RELN: variants seen among roughly 807,000 people sequenced by gnomAD.
The protein encoded by RELN is reelin.
In RELN, 108 loss-of-function variants were observed where a neutral mutation model predicts 427.6. The ratio of observed to expected loss-of-function variants is 0.25; its 90% CI spans 0.22 to 0.30. The LOEUF (loss-of-function observed/expected upper bound fraction) is 0.30. Among genes scored for constraint, RELN ranks in the 10% least tolerant of loss-of-function variants. The pLI is 1.00. For synonymous variants in RELN, 1,524 were observed against 1,513.4 expected (o/e 1.01, Z -0.16); for missense variants, 3,715 against 4,302.8 (o/e 0.86, Z 3.82).
rs75379507 is a variant in RELN at position 103,877,052 on chromosome 7, C to T, written c.337+40023G>A. On this transcript the variant is annotated intron_variant, in intron 2 of 64. Transcript: ENST00000428762. ...CCTCTGGGATATTCCCCTATGCCCT[C>T]ACCCAGTGTCTTCTATCTCTTACCT... Among the ~76,000 whole-genome samples, 952 of 152,192 alleles carry T rather than the reference C, an allele frequency of 6.3e-3. 7 individuals carry two copies. Among genetic ancestry groups the T allele is most frequent in the African/African-American group, 0.021 (880 of 41,540 alleles).
intron 16 of RELN, among the ~76,000 whole-genome samples, chr7:103,647,757 C>G (rs1392430405): frequency 2.0e-5 from 3 of 151,830 alleles, no homozygotes; most frequent in African/African-American, 7.3e-5. Context: ...CAATCCTAAG[C>G]AAAAAGAACA....
intron 2 of RELN, among the ~76,000 whole-genome samples, chr7:103,860,189 A>G (rs1794039687): frequency 6.6e-6 from 1 of 152,226 alleles, no homozygotes; most frequent in African/African-American, 2.4e-5. Context: ...GACAAAACAA[A>G]AATCCAAAAT....
chr7:103,880,957 G>A (rs1223245963), intron 2 of RELN, among the ~76,000 whole-genome samples: 2 of 152,092 alleles, frequency 1.3e-5, no homozygotes, highest in African/African-American at 4.8e-5. Context: ...TGGCTTCCAA[G>A]TGCTGGAGTT....
chr7:103,508,760 G>A (rs1223753992), intron 51 of RELN, among the ~76,000 whole-genome samples: 3 of 152,118 alleles, frequency 2.0e-5, no homozygotes, highest in Non-Finnish European at 2.9e-5. Context: ...AAACCCCATC[G>A]TCTCAGCCCA....
intron 1 of RELN, among the ~76,000 whole-genome samples, chr7:103,949,820 CATACTCT>C (rs2116760358): frequency 6.6e-6 from 1 of 152,280 alleles, no homozygotes; most frequent in African/African-American, 2.4e-5. Flanking sequence ...ACACCTCTCA[CATACTCT>C]ATACTCAGCA....
chr7:103,845,340 C>T (rs1344287962), intron 2 of RELN, among the ~76,000 whole-genome samples: 1 of 152,078 alleles, frequency 6.6e-6, no homozygotes, highest in Non-Finnish European at 1.5e-5. Context: ...CGTCACCACG[C>T]CTGGCTAATT....
At chr7:103,532,017 A>G (rs571494786) in intron 46 of RELN, among the ~76,000 whole-genome samples, 1 of 152,336 alleles carries the variant, frequency 6.6e-6, no homozygotes, top group South Asian at 2.1e-4. Flanking sequence ...AGTATTCACA[A>G]TAACAAAGAC....
chr7:103,809,350 A>G (rs1052868940), intron 3 of RELN, among the ~76,000 whole-genome samples: 1 of 152,162 alleles, frequency 6.6e-6, no homozygotes, highest in Non-Finnish European at 1.5e-5. Flanking sequence ...GGTAGTAGAA[A>G]AAAAGAGAAA....
At chr7:103,582,229 T>C (rs1027064776) in intron 28 of RELN, among the ~76,000 whole-genome samples, 1 of 152,224 alleles carries the variant, frequency 6.6e-6, no homozygotes, top group African/African-American at 2.4e-5. Flanking sequence ...CTGCTCACTT[T>C]TGGACCAGTA....
chr7:103,488,261 A>ATAT (rs892999473), intron 60 of RELN, among the ~76,000 whole-genome samples: 2 of 152,350 alleles, frequency 1.3e-5, no homozygotes, highest in Admixed American at 1.3e-4. Flanking sequence ...GTAAGATATT[A>ATAT]TATTAGCAAA....
intron 11 of RELN, among the ~76,000 whole-genome samples, chr7:103,669,434 G>A (rs890212467): frequency 6.6e-6 from 1 of 152,118 alleles, no homozygotes; most frequent in Admixed American, 6.6e-5. Flanking sequence ...ATGGTTGGAG[G>A]CCAAGTATCC....
intron 20 of RELN, among the ~76,000 whole-genome samples, chr7:103,618,911 A>G (rs1304228906): frequency 6.6e-6 from 1 of 151,952 alleles, no homozygotes; most frequent in African/African-American, 2.4e-5. Flanking sequence ...AGGAGATCGA[A>G]ACCATCCTGG....
chr7:103,554,353 G>T (rs1830479604), intron 38 of RELN, among the ~76,000 whole-genome samples: 1 of 136,632 alleles, frequency 7.3e-6, no homozygotes, highest in Non-Finnish European at 1.5e-5. Flanking sequence ...AAGATGGGCA[G>T]ATTGCCCAAG....
chr7:103,671,735 G>A (rs1036348350), intron 11 of RELN, among the ~76,000 whole-genome samples: 6 of 152,052 alleles, frequency 3.9e-5, no homozygotes, highest in Non-Finnish European at 5.9e-5. Flanking sequence ...GATATACTTA[G>A]CAAAAGATAA....
At chr7:103,956,892 A>G (rs1338412865) in intron 1 of RELN, among the ~76,000 whole-genome samples, 2 of 152,172 alleles carry the variant, frequency 1.3e-5, no homozygotes, top group Non-Finnish European at 2.9e-5. Flanking sequence ...CATGAAAAAG[A>G]AAAAAGCAAG....
chr7:103,754,411 G>A (rs182574705), intron 4 of RELN, among the ~76,000 whole-genome samples: 247 of 151,886 alleles, frequency 1.6e-3, no homozygotes, highest in Middle Eastern at 3.4e-3. Flanking sequence ...TATCAATTAG[G>A]AAATCGTTAT....
At chr7:103,575,131 C>T (rs1053713727) in intron 29 of RELN, among the ~76,000 whole-genome samples, 1 of 152,204 alleles carries the variant, frequency 6.6e-6, no homozygotes, top group Non-Finnish European at 1.5e-5. Context: ...CAGCAACTCC[C>T]AGCTGAATGA....
At chr7:103,682,922 T>C (rs1833685925) in intron 10 of RELN, among the ~76,000 whole-genome samples, 1 of 151,516 alleles carries the variant, frequency 6.6e-6, no homozygotes, top group Non-Finnish European at 1.5e-5. Flanking sequence ...TTGTGATACT[T>C]TTTCTAAAGA....
At position 103,550,973 on chromosome 7, in the gene RELN, A is replaced by C. The variant is rs1026928528; in HGVS notation, c.6302+94T>G. The C allele has an allele frequency of 4.9e-6, 5 of 1,020,542 alleles. No individual in the cohort carries two copies. The African/African-American group carries it at 7.9e-5, about 16-fold the overall frequency. 63.2% of individuals were successfully genotyped at this position (1,020,542 alleles called of 1,614,324 possible). A position where few individuals can be genotyped will look rare whatever the true frequency, so the allele number is the denominator to read the frequency against. On this transcript the variant is annotated intron_variant, in intron 41 of 64. Transcript: ENST00000428762. Reference sequence around the variant, plus strand: ...GAACAGAGGAAGAAACGTCAGGTGGAAATTTCCCCATGATAAAGTGGCAAG... The same window carrying C: ...GAACAGAGGAAGAAACGTCAGGTGGCAATTTCCCCATGATAAAGTGGCAAG...
Sources: gnomAD v4.1 joint callset for allele counts (sites outside exome capture counted in the v4.1 genomes callset) on GRCh38, gnomAD v4.1.1 for gene constraint, MANE v1.5 for transcripts, NCBI Gene and HGNC (gene_info 2026-07-23, HGNC 2026-07-21) for gene names.